Variants in SMCO2 observed in about 807,000 individuals in gnomAD.
SMCO2 encodes single-pass membrane protein with coiled-coil domains 2.
SMCO2 carries 25 observed loss-of-function variants against 29.5 expected under a neutral mutation model. The ratio of observed to expected loss-of-function variants is 0.85; its 90% CI spans 0.62 to 1.18. The LOEUF is 1.18. SMCO2 is among the 50% of genes most tolerant of loss of function. The probability of loss-of-function intolerance (pLI) is 0.00; values close to 1 mark genes in which losing one functional copy is unlikely to be tolerated. For synonymous variants in SMCO2, 117 were observed against 123.3 expected, an observed-to-expected ratio of 0.95 and a Z score of 0.34; for missense variants, 348 against 344.5, an observed-to-expected ratio of 1.01 and a Z score of -0.08.
chr12:27,463,952 C>T (rs776074164), upstream of SMCO2, among the ~76,000 whole-genome samples: 3 of 152,142 alleles, frequency 2.0e-5, no homozygotes, highest in African/African-American at 4.8e-5. Flanking sequence ...AGCAACAGTG[C>T]GGAGGCAGAG....
chr12:27,430,858 T>G, the SMCO2 span, among the ~76,000 whole-genome samples: 1 of 152,090 alleles, frequency 6.6e-6, no homozygotes, highest in African/African-American at 2.4e-5. Flanking sequence ...TCATAAGCAG[T>G]GGAGTTAGAA....
the SMCO2 span, among the ~76,000 whole-genome samples, chr12:27,426,739 T>G: frequency 6.6e-6 from 1 of 152,186 alleles, no homozygotes; most frequent in Admixed American, 6.5e-5. Flanking sequence ...ATTTAAGCCT[T>G]GCAAAAGTTT....
intron 7 of SMCO2, among the ~76,000 whole-genome samples, chr12:27,501,258 T>C (rs1236180181): frequency 1.4e-5 from 2 of 146,592 alleles, no homozygotes; most frequent in African/African-American, 5.2e-5. Flanking sequence ...CTACTAAAAA[T>C]ACAAAAAATT....
upstream of SMCO2, among the ~76,000 whole-genome samples, chr12:27,466,499 T>G (rs1949499649): frequency 6.6e-6 from 1 of 152,228 alleles, no homozygotes; most frequent in African/African-American, 2.4e-5. Context: ...TCTTTGAGCC[T>G]CTGTGGGAAA....
At chr12:27,462,142 G>C (rs1462368063), upstream of SMCO2, among the ~76,000 whole-genome samples, 1 of 152,148 alleles carries the variant, frequency 6.6e-6, no homozygotes, top group Non-Finnish European at 1.5e-5. Flanking sequence ...ATTTCACAAT[G>C]ATGTTTTTTT....
the SMCO2 span, among the ~76,000 whole-genome samples, chr12:27,459,815 G>A: frequency 6.6e-6 from 1 of 152,128 alleles, no homozygotes; most frequent in Non-Finnish European, 1.5e-5. Flanking sequence ...CACAGGGCAT[G>A]CCTCTCATTT....
chr12:27,465,613 T>C (rs1949492840), upstream of SMCO2, among the ~76,000 whole-genome samples: 1 of 152,238 alleles, frequency 6.6e-6, no homozygotes, highest in Admixed American at 6.5e-5. Flanking sequence ...ATGCCTACCA[T>C]GTATGCATTC....
the SMCO2 span, among the ~76,000 whole-genome samples, chr12:27,446,781 C>A: frequency 2.0e-5 from 3 of 152,140 alleles, no homozygotes; most frequent in Non-Finnish European, 4.4e-5. Flanking sequence ...TGGGGAGCTT[C>A]TTAAACCTCA....
the SMCO2 span, among the ~76,000 whole-genome samples, chr12:27,440,387 A>G: frequency 6.6e-6 from 1 of 152,224 alleles, no homozygotes; most frequent in South Asian, 2.1e-4. Context: ...AAAAAACACT[A>G]ACGTGCAAAG....
chr12:27,463,657 C>T (rs1207240672), upstream of SMCO2, among the ~76,000 whole-genome samples: 3 of 152,080 alleles, frequency 2.0e-5, no homozygotes, highest in Admixed American at 1.3e-4. Flanking sequence ...CAAATAAGTG[C>T]GAGAAACAAA....
At position 27,474,918 on chromosome 12, in the gene SMCO2, G is replaced by A. The variant is rs2135549678; in HGVS notation, c.362+5G>A. The A allele has an allele frequency of 6.4e-7, 1 of 1,550,764 alleles. No homozygotes were observed. The highest frequency in any genetic ancestry group is 1.4e-5 in the African/African-American group (1 of 73,140). On this transcript the variant is annotated splice_donor_5th_base_variant and intron_variant, in intron 4 of 7. Transcript: ENST00000298876. The stretch of plus-strand genomic sequence containing the variant: ...AAAGAAGAACCTCCTTGAACTGTAA[G>A]TCTTGACACATGCAAGACAGAGCAT...
intron 2 of SMCO2, among the ~76,000 whole-genome samples, chr12:27,471,583 G>T (rs777866004): frequency 7.2e-5 from 11 of 152,154 alleles, no homozygotes; most frequent in Non-Finnish European, 1.0e-4. Flanking sequence ...ATTAATAAGG[G>T]TGGTACTAAT....
the SMCO2 span, among the ~76,000 whole-genome samples, chr12:27,429,496 C>T: frequency 2.0e-5 from 3 of 151,712 alleles, no homozygotes; most frequent in Non-Finnish European, 2.9e-5. Context: ...AAAAAATAGT[C>T]CCCACCTTAG....
chr12:27,431,922 T>C, the SMCO2 span, among the ~76,000 whole-genome samples: 2 of 152,222 alleles, frequency 1.3e-5, no homozygotes, highest in Non-Finnish European at 2.9e-5. Context: ...CCAACTCTTA[T>C]TATAACTCTT....
At chr12:27,440,508 G>A in the SMCO2 span, among the ~76,000 whole-genome samples, 11 of 152,154 alleles carry the variant, frequency 7.2e-5, no homozygotes, top group Non-Finnish European at 1.3e-4. Flanking sequence ...CTAGAATGAA[G>A]CCTAAAAGAT....
intron 7 of SMCO2, among the ~76,000 whole-genome samples, chr12:27,498,862 A>C (rs1021262356): frequency 6.6e-5 from 10 of 150,586 alleles, no homozygotes; most frequent in African/African-American, 2.5e-4. Flanking sequence ...AAAAACGTAA[A>C]TCAAACCCAC....
intron 7 of SMCO2, among the ~76,000 whole-genome samples, chr12:27,499,996 G>T (rs762117081): frequency 1.3e-5 from 2 of 150,292 alleles, no homozygotes; most frequent in Admixed American, 1.3e-4. Flanking sequence ...TTTACACGTG[G>T]CAAGGTTTGA....
rs1456969641 is a variant in SMCO2 at position 27,502,058 on chromosome 12, G to A, written c.819G>A (p.Trp273Ter). 8 of 1,547,022 alleles carry A rather than the reference G, an allele frequency of 5.2e-6. No homozygotes were observed. The highest frequency in any genetic ancestry group is 2.0e-5 in the Admixed American group (1 of 50,660). The stretch of plus-strand genomic sequence containing the variant: ...GAATGCTTGGGTGCCGCACCACATG[G>A]GACCTACGGGAGATGAGAGAGCCTT... The change falls in exon 8 of 8, where the codon TGG becomes TGA. Residue 273 changes from tryptophan (W) to a stop codon, truncating the protein, a stop_gained. Transcript: ENST00000298876. LOFTEE classifies it high-confidence loss of function.
chr12:27,447,450 C>T, the SMCO2 span, among the ~76,000 whole-genome samples: 430 of 152,174 alleles, frequency 2.8e-3, 7 homozygotes, highest in African/African-American at 1.0e-2. Context: ...ACAGCCTCTT[C>T]GGGAGCTTGT....
Sources: gnomAD v4.1 joint callset for allele counts (sites outside exome capture counted in the v4.1 genomes callset) on GRCh38, gnomAD v4.1.1 for gene constraint, MANE v1.5 for transcripts, NCBI Gene and HGNC (gene_info 2026-07-23, HGNC 2026-07-21) for gene names.